The following INSR variants were observed in gnomAD, a reference collection of about 807,000 sequenced individuals.
INSR encodes IR.
Under a neutral mutation model 142.6 loss-of-function variants are expected in INSR, and 67 were observed. The ratio of observed to expected loss-of-function variants is 0.47; its 90% CI spans 0.39 to 0.58. The LOEUF is 0.58. Ranked by LOEUF, INSR falls within the 20% of genes least tolerant of loss-of-function variation. INSR has a pLI of 0.00. For missense variants in INSR, 1,248 were observed against 1,833.2 expected (o/e 0.68, Z 5.83); for synonymous variants, 756 against 743.1 (o/e 1.02, Z -0.28).
rs1973801023 is a variant in INSR at position 7,163,159 on chromosome 19, T to C, written c.1902A>G (p.Ser634=). 6.2e-7 allele frequency: 1 copy of C among 1,613,662 alleles called. No homozygotes were observed. The highest frequency in any genetic ancestry group is 8.5e-7 in the Non-Finnish European group (1 of 1,179,834). Residue 634 remains serine, a synonymous_variant, in exon 9 of 22, where the codon TCA becomes TCG. Coordinates refer to ENST00000302850, the MANE Select transcript of INSR (RefSeq NM_000208.4). ...VPLDPISVSN[S]SSQIILKWKP... ...TCCACTTCAGAATAATCTGGGATGATGAGTTAGACACTGAGATTGGATCCA... is the reference window on the plus strand; with the variant it reads ...TCCACTTCAGAATAATCTGGGATGACGAGTTAGACACTGAGATTGGATCCA...
Position 7,132,286 on chromosome 19 carries a change from A to G in INSR, c.2714T>C (p.Phe905Ser). ...CAGCCTGCAGCCCCGTTCCAGAGCG[A>G]AGTGCTTGCGGGAGACGCAGAGATG... ...ELHLCVSRKH[F>S]ALERGCRLRG... The change falls in exon 14 of 22, where the codon TTC (phenylalanine) becomes TCC (serine). Residue 905 changes from phenylalanine to serine, a missense_variant. By Grantham distance (155) the Phe-to-Ser change is radical. Coordinates refer to ENST00000302850, the MANE Select transcript of INSR (RefSeq NM_000208.4). 2 of 1,614,172 alleles carry G rather than the reference A, an allele frequency of 1.2e-6. No homozygotes were observed. Among genetic ancestry groups the G allele is most frequent in the Non-Finnish European group, 1.7e-6 (2 of 1,180,038 alleles).
At chr19:7,177,511 G>T (rs566684630) in intron 3 of INSR, among the ~76,000 whole-genome samples, 3 of 151,658 alleles carry the variant, frequency 2.0e-5, no homozygotes, top group Admixed American at 6.6e-5. Context: ...TAAGTCAATG[G>T]TTTTTTTGTT....
At chr19:7,258,260 C>T (rs535484477) in intron 2 of INSR, among the ~76,000 whole-genome samples, 2 of 152,238 alleles carry the variant, frequency 1.3e-5, no homozygotes, top group Admixed American at 1.3e-4. Flanking sequence ...CATAGCAAGA[C>T]CCCATCTCTA....
At position 7,125,269 on chromosome 19, in the gene INSR, C is replaced by T. The variant is rs1972617212; in HGVS notation, c.3258+14G>A. On this transcript the variant is annotated intron_variant, in intron 17 of 21. Coordinates refer to ENST00000302850, the MANE Select transcript of INSR (RefSeq NM_000208.4). The surrounding 1 kb of genome is among the most constrained non-coding windows in gnomAD (Gnocchi z 4.9). ...CAGGAAAGCCAGCCCATGTCCCACC[C>T]CCACTGGACTCACCACGTGATGGCA... The T allele has an allele frequency of 4.3e-6, 7 of 1,613,870 alleles. No individual in the cohort carries two copies. The African/African-American group carries it at 8.0e-5, about 18-fold the overall frequency.
intron 13 of INSR, among the ~76,000 whole-genome samples, chr19:7,133,411 T>A (rs188253500): frequency 6.6e-6 from 1 of 152,332 alleles, no homozygotes; most frequent in East Asian, 1.9e-4. Flanking sequence ...TGTGAGAACA[T>A]TTAAAATCTA....
intron 9 of INSR, among the ~76,000 whole-genome samples, chr19:7,161,317 T>C (rs1973743990): frequency 1.3e-5 from 2 of 152,002 alleles, no homozygotes; most frequent in African/African-American, 2.4e-5. Context: ...TGGAGTGCAC[T>C]GGAATAATCA....
intron 2 of INSR, among the ~76,000 whole-genome samples, chr19:7,229,592 C>G (rs1361568434): frequency 6.6e-6 from 1 of 151,968 alleles, no homozygotes; most frequent in East Asian, 1.9e-4. Flanking sequence ...ACTTCACATA[C>G]AATCAACCCC....
At chr19:7,136,403 G>C (rs575812064) in intron 13 of INSR, among the ~76,000 whole-genome samples, 2 of 152,120 alleles carry the variant, frequency 1.3e-5, no homozygotes, top group African/African-American at 4.8e-5. Flanking sequence ...AGAACTTTCT[G>C]AGTGTGGACA....
At chr19:7,133,587 C>T (rs1021075532) in intron 13 of INSR, among the ~76,000 whole-genome samples, 1 of 152,150 alleles carries the variant, frequency 6.6e-6, no homozygotes, top group African/African-American at 2.4e-5. Context: ...GTGGGCAGGG[C>T]GTGGTGGCTC....
intron 3 of INSR, among the ~76,000 whole-genome samples, chr19:7,175,499 C>T (rs1165906232): frequency 1.3e-5 from 2 of 152,138 alleles, no homozygotes; most frequent in African/African-American, 2.4e-5. Context: ...GCTCCACTCA[C>T]GAGCTGCCAG....
Position 7,249,828 on chromosome 19 carries a change from T to TA in INSR, c.652+17516dup, listed in dbSNP as rs372781082. 2.0e-3 allele frequency among the ~76,000 whole-genome samples: 304 copies of TA among 152,078 alleles called. 1 individual carries two copies. Among genetic ancestry groups the TA allele is most frequent in the African/African-American group, 7.1e-3 (293 of 41,480 alleles). ...TAACAGGGTGAAACCCCGTCTCTAC[T>TA]AAAAATACAAAAAATTAGCCGGGCG... On this transcript the variant is annotated intron_variant, in intron 2 of 21. Coordinates refer to ENST00000302850, the MANE Select transcript of INSR (RefSeq NM_000208.4).
intron 2 of INSR, among the ~76,000 whole-genome samples, chr19:7,228,298 C>T (rs750524591): frequency 6.6e-6 from 1 of 152,188 alleles, no homozygotes; most frequent in Non-Finnish European, 1.5e-5. Context: ...ATTTTAACAG[C>T]TTAACAGCTT....
At chr19:7,178,161 C>T (rs1182888447) in intron 3 of INSR, among the ~76,000 whole-genome samples, 1 of 146,214 alleles carries the variant, frequency 6.8e-6, no homozygotes, top group East Asian at 2.0e-4. Flanking sequence ...CGGTTCTTGG[C>T]ACAGAGCTTC....
At chr19:7,231,656 C>T (rs891703719) in intron 2 of INSR, among the ~76,000 whole-genome samples, 3 of 152,038 alleles carry the variant, frequency 2.0e-5, no homozygotes, top group African/African-American at 7.2e-5. Flanking sequence ...ATATATCCAC[C>T]ACCAACAACC....
rs918466091 is a variant in INSR, at chr19:7,253,508, G to A, written c.652+13837C>T. On this transcript the variant is annotated intron_variant, in intron 2 of 21. Coordinates refer to ENST00000302850, the MANE Select transcript of INSR (RefSeq NM_000208.4). ...CCGCCTCAGCCTCCCCGAGTGCTGG[G>A]ATTACAGGCGTGTGCCTGGCCCCTC... Among the ~76,000 whole-genome samples, 3 of 152,078 alleles carry A rather than the reference G, an allele frequency of 2.0e-5. No individual in the cohort carries two copies. The South Asian group carries it at 6.2e-4, about 32-fold the overall frequency.
chr19:7,266,383 CTTTTTTTT>C, intron 2 of INSR, among the ~76,000 whole-genome samples: 1 of 123,254 alleles, frequency 8.1e-6, no homozygotes, highest in South Asian at 2.7e-4. Context: ...TAGAAATTAT[CTTTTTTTT>C]TTTTTTTTTT....
intron 11 of INSR, among the ~76,000 whole-genome samples, chr19:7,148,378 G>A (rs1307925275): frequency 1.2e-4 from 18 of 152,042 alleles, no homozygotes; most frequent in Admixed American, 1.2e-3. Flanking sequence ...CATCAGATGA[G>A]TGGAAGCCAG....
At chr19:7,190,941 T>C (rs1026384746) in intron 2 of INSR, among the ~76,000 whole-genome samples, 1 of 152,162 alleles carries the variant, frequency 6.6e-6, no homozygotes, top group Non-Finnish European at 1.5e-5. Flanking sequence ...TGTAAACAGA[T>C]ATCAAAACAT....
intron 2 of INSR, among the ~76,000 whole-genome samples, chr19:7,187,204 C>T (rs1034281675): frequency 1.2e-4 from 18 of 151,278 alleles, no homozygotes; most frequent in Admixed American, 9.9e-4. Context: ...GCCTCAGCCT[C>T]GAGTAGCTGG....
Sources: gnomAD v4.1 joint callset for allele counts (sites outside exome capture counted in the v4.1 genomes callset) on GRCh38, gnomAD v4.1.1 for gene constraint, Gnocchi (gnomAD v3.1) non-coding constraint, MANE v1.5 for transcripts, NCBI Gene and HGNC (gene_info 2026-07-23, HGNC 2026-07-21) for gene names.